Variants in G3BP2 observed in about 807,000 individuals in gnomAD.
G3BP2 encodes the protein G3BP stress granule assembly factor 2.
G3BP2 carries 11 observed loss-of-function variants against 56.7 expected under a neutral mutation model. That is an observed-to-expected ratio of 0.19 (90% confidence interval 0.12 to 0.32). The LOEUF (loss-of-function observed/expected upper bound fraction) is 0.32, where lower values mean the gene tolerates loss of function less well. Ranked by LOEUF, G3BP2 falls within the 10% of genes least tolerant of loss-of-function variation. The probability of loss-of-function intolerance (pLI) is 1.00; values close to 1 mark genes in which losing one functional copy is unlikely to be tolerated. For synonymous variants in G3BP2, 165 were observed against 191.6 expected, an observed-to-expected ratio of 0.86 and a Z score of 1.15; for missense variants, 340 against 610.9, an observed-to-expected ratio of 0.56 and a Z score of 4.67.
intron 1 of G3BP2, among the ~76,000 whole-genome samples, chr4:75,722,253 G>A (rs1720205286): frequency 2.0e-5 from 3 of 152,104 alleles, no homozygotes; most frequent in Admixed American, 2.0e-4. Flanking sequence ...TGCTGCTGGG[G>A]AAGAAAACAG....
chr4:75,668,746 T>C (rs960579439), intron 1 of G3BP2, among the ~76,000 whole-genome samples: 2 of 152,204 alleles, frequency 1.3e-5, no homozygotes, highest in African/African-American at 4.8e-5. Flanking sequence ...TCTGCAATGA[T>C]TGAAACCCTA....
intron 1 of G3BP2, chr4:75,672,585 G>A (rs1163725680): frequency 6.6e-6 from 1 of 152,228 alleles, no homozygotes; most frequent in Non-Finnish European, 1.5e-5. Context: ...CGGAACACTA[G>A]GTACTGGGTA....
chr4:75,646,549 G>A (rs1488649975), intron 10 of G3BP2, 93 bp from the exon 11 acceptor site: 13 of 793,784 alleles, frequency 1.6e-5, no homozygotes, highest in East Asian at 5.0e-5. Flanking sequence ...TTATCTCCCC[G>A]ATCCATTTTA....
At chr4:75,685,178 A>T (rs1329990085) in intron 3 of G3BP2, among the ~76,000 whole-genome samples, 3 of 147,420 alleles carry the variant, frequency 2.0e-5, no homozygotes, top group Non-Finnish European at 3.0e-5. Context: ...ACACTTTTTT[A>T]AAAGTTTATT....
intron 2 of G3BP2, among the ~76,000 whole-genome samples, chr4:75,660,036 G>A (rs1305614039): frequency 1.3e-5 from 2 of 152,166 alleles, no homozygotes; most frequent in African/African-American, 4.8e-5. Context: ...ATATTCATTA[G>A]TGTTGCTTAC....
rs545757990 is a variant in G3BP2, at chr4:75,711,323, A to AC, written c.-25+9553_-25+9554insG. On this transcript the variant is annotated intron_variant, in intron 3 of 3. Coordinates refer to the G3BP2 transcript ENST00000499709. Reference sequence around the variant, plus strand: ...GGTTGAGTGAGACCCCATCTCAAAGAAAAAAAAAAAAAAAGACTAATTTTC... The same window carrying AC: ...GGTTGAGTGAGACCCCATCTCAAAGACAAAAAAAAAAAAAAGACTAATTTTC... Among the ~76,000 whole-genome samples, 1,269 of 133,846 alleles carry AC rather than the reference A, an allele frequency of 9.5e-3. 26 individuals are homozygous for AC. Among genetic ancestry groups the AC allele is most frequent in the African/African-American group, 0.037 (1,180 of 31,800 alleles). 87.8% of individuals were successfully genotyped at this position (133,846 alleles called of 152,430 possible).
At chr4:75,701,086 G>A (rs562413684) in intron 3 of G3BP2, among the ~76,000 whole-genome samples, 22 of 151,978 alleles carry the variant, frequency 1.4e-4, no homozygotes, top group African/African-American at 3.4e-4. Context: ...CAGGTGATCC[G>A]CCCACTTCAG....
At chr4:75,647,345 A>C (rs1184027367) in intron 9 of G3BP2, among the ~76,000 whole-genome samples, 188 bp from the exon 10 acceptor site, 1 of 152,236 alleles carries the variant, frequency 6.6e-6, no homozygotes, top group African/African-American at 2.4e-5. Context: ...ACTAAAATGT[A>C]AAGTGAGGAC....
At chr4:75,719,304 C>CAT (rs1285716800) in intron 3 of G3BP2, among the ~76,000 whole-genome samples, 10 of 146,302 alleles carry the variant, frequency 6.8e-5, no homozygotes, top group Non-Finnish European at 1.5e-4. Context: ...GCCGAGATCC[C>CAT]GCCACTGCAC....
chr4:75,706,677 C>CAAA (rs34804568), intron 3 of G3BP2, among the ~76,000 whole-genome samples: 8 of 118,822 alleles, frequency 6.7e-5, no homozygotes, highest in South Asian at 5.7e-4. Flanking sequence ...AACTCTATCT[C>CAAA]AAAAAAAAAA....
intron 1 of G3BP2, among the ~76,000 whole-genome samples, chr4:75,663,239 A>G (rs1019408425): frequency 6.6e-6 from 1 of 152,174 alleles, no homozygotes; most frequent in Non-Finnish European, 1.5e-5. Flanking sequence ...AGAACAACTA[A>G]CATGAAATAA....
At chr4:75,665,968 T>C (rs1408138200) in intron 1 of G3BP2, among the ~76,000 whole-genome samples, 1 of 152,234 alleles carries the variant, frequency 6.6e-6, no homozygotes, top group East Asian at 1.9e-4. Flanking sequence ...TTCCAGATTT[T>C]CTACAGGAAC....
At chr4:75,661,099 T>C (rs1479086891) in intron 2 of G3BP2, among the ~76,000 whole-genome samples, 1 of 152,164 alleles carries the variant, frequency 6.6e-6, no homozygotes, top group Non-Finnish European at 1.5e-5. Context: ...TGATTTCAAA[T>C]TGCATATTGG....
At chr4:75,671,691 A>C (rs1196925451) in intron 1 of G3BP2, among the ~76,000 whole-genome samples, 1 of 152,196 alleles carries the variant, frequency 6.6e-6, no homozygotes, top group Non-Finnish European at 1.5e-5. Flanking sequence ...ACTGCTTTTC[A>C]GAATTAGTTT....
At chr4:75,714,807 T>C (rs1002702644) in intron 3 of G3BP2, among the ~76,000 whole-genome samples, 1 of 152,162 alleles carries the variant, frequency 6.6e-6, no homozygotes, top group African/African-American at 2.4e-5. Flanking sequence ...TTGCCCAGAA[T>C]AAGAAATGTG....
chr4:75,649,044 C>CAA (rs5859471), intron 8 of G3BP2: 4 of 170,682 alleles, frequency 2.3e-5, no homozygotes, highest in African/African-American at 9.6e-5. Context: ...GTATTGCTAC[C>CAA]AAAAAAAAAA....
intron 3 of G3BP2, among the ~76,000 whole-genome samples, chr4:75,686,009 C>T (rs1718585411): frequency 6.6e-6 from 1 of 152,152 alleles, no homozygotes; most frequent in Admixed American, 6.5e-5. Flanking sequence ...TGCACACACA[C>T]ATACACACAG....
intron 1 of G3BP2, among the ~76,000 whole-genome samples, chr4:75,670,761 T>C (rs761380382): frequency 3.3e-5 from 5 of 149,642 alleles, no homozygotes; most frequent in Non-Finnish European, 5.9e-5. Flanking sequence ...TCAGTTACAG[T>C]AAAAAGAAAG....
chr4:75,671,390 G>C (rs116061213), intron 1 of G3BP2, among the ~76,000 whole-genome samples: 1,855 of 152,328 alleles, frequency 0.012, 26 homozygotes, highest in Non-Finnish European at 0.018. Context: ...GAAGTTTTCA[G>C]AATCTAAAGA....
Sources: gnomAD v4.1 joint callset for allele counts (sites outside exome capture counted in the v4.1 genomes callset) on GRCh38, gnomAD v4.1.1 for gene constraint, MANE v1.5 for transcripts, NCBI Gene and HGNC (gene_info 2026-07-23, HGNC 2026-07-21) for gene names.